Variants in SYN3 observed in about 807,000 individuals in gnomAD.
SYN3 encodes the protein synapsin III.
A neutral mutation model predicts 65.8 loss-of-function variants in SYN3; 35 were observed. That is an observed-to-expected ratio of 0.53 (90% CI 0.41 to 0.70). SYN3 has a LOEUF of 0.70. Among genes scored for constraint, SYN3 ranks in the 30% least tolerant of loss-of-function variants. SYN3 has a pLI of 0.00. For synonymous variants in SYN3, 270 were observed against 292.9 expected, an observed-to-expected ratio of 0.92 and a Z score of 0.80; for missense variants, 680 against 749.0, an observed-to-expected ratio of 0.91 and a Z score of 1.08.
At chr22:32,933,774 C>A (rs2050700473) in intron 3 of SYN3, among the ~76,000 whole-genome samples, 1 of 152,124 alleles carries the variant, frequency 6.6e-6, no homozygotes, top group African/African-American at 2.4e-5. Flanking sequence ...CCATGGCCCC[C>A]ACTGTTCAGC....
intron 6 of SYN3, among the ~76,000 whole-genome samples, chr22:32,616,452 C>T (rs968947462): frequency 2.0e-5 from 3 of 152,222 alleles, no homozygotes; most frequent in Non-Finnish European, 4.4e-5. Context: ...TGTTCAGTGT[C>T]TCCTTGTGGC....
chr22:32,603,182 G>GGTA (rs935339894), intron 6 of SYN3, among the ~76,000 whole-genome samples: 5 of 151,904 alleles, frequency 3.3e-5, no homozygotes, highest in African/African-American at 1.2e-4. Flanking sequence ...CTTTATGGAT[G>GGTA]GTAGCATCCT....
rs141807384 is a variant in SYN3 at position 32,884,747 on chromosome 22, C to T, written c.462-15622G>A. 8.5e-3 allele frequency among the ~76,000 whole-genome samples: 1,289 copies of T among 152,034 alleles called. 18 individuals are homozygous for T. The highest frequency in any genetic ancestry group is 0.027 in the African/African-American group (1,117 of 41,452). ...CAAAAATTAGCTGGGTGTGGTGGCA[C>T]GTGCCTGTAATTTCAGCTACTCAAG... On this transcript the variant is annotated intron_variant, in intron 4 of 13. Transcript: ENST00000358763.
chr22:32,878,690 C>G (rs2049044664), intron 4 of SYN3, among the ~76,000 whole-genome samples: 1 of 152,154 alleles, frequency 6.6e-6, no homozygotes, highest in African/African-American at 2.4e-5. Flanking sequence ...TCTCTTCAAC[C>G]TTTTTTGGAA....
chr22:32,698,710 A>T (rs1470489890), intron 6 of SYN3, among the ~76,000 whole-genome samples: 1 of 152,204 alleles, frequency 6.6e-6, no homozygotes, highest in Non-Finnish European at 1.5e-5. Context: ...GTAGTTAGTA[A>T]ATGCAATTGG....
chr22:32,988,827 G>A (rs964698831), intron 2 of SYN3, among the ~76,000 whole-genome samples: 5 of 152,118 alleles, frequency 3.3e-5, no homozygotes, highest in Admixed American at 6.5e-5. Context: ...AAGTAGGTAC[G>A]TCCTGGGGGC....
chr22:32,633,733 C>T (rs2059778177), intron 6 of SYN3, among the ~76,000 whole-genome samples: 1 of 152,156 alleles, frequency 6.6e-6, no homozygotes, highest in Non-Finnish European at 1.5e-5. Context: ...AGCAAGCCTC[C>T]TACCTCAGCC....
chr22:33,039,197 C>A (rs2053915838), intron 1 of SYN3, among the ~76,000 whole-genome samples: 1 of 152,138 alleles, frequency 6.6e-6, no homozygotes, highest in Non-Finnish European at 1.5e-5. Context: ...GGTGAGAAAG[C>A]ATGTCTAAGG....
intron 6 of SYN3, among the ~76,000 whole-genome samples, chr22:32,749,080 A>G (rs2045029932): frequency 6.6e-6 from 1 of 152,126 alleles, no homozygotes; most frequent in Non-Finnish European, 1.5e-5. Flanking sequence ...ACTCATAAAC[A>G]CAGTTTCTCA....
At chr22:32,534,000 G>A in intron 9 of SYN3, 105 bp from the exon 10 acceptor site, 1 of 692,422 alleles carries the variant, frequency 1.4e-6, no homozygotes, top group Non-Finnish European at 2.6e-6. Flanking sequence ...GAGGGACAGT[G>A]ACTCACACAT....
intron 6 of SYN3, among the ~76,000 whole-genome samples, chr22:32,615,765 C>T (rs368531552): frequency 6.6e-6 from 1 of 152,194 alleles, no homozygotes; most frequent in African/African-American, 2.4e-5. Flanking sequence ...TCCCACCTGT[C>T]TGCAGGGAGT....
intron 7 of SYN3, among the ~76,000 whole-genome samples, chr22:32,592,314 T>G (rs1432096989): frequency 6.6e-6 from 1 of 152,210 alleles, no homozygotes; most frequent in Non-Finnish European, 1.5e-5. Context: ...CACATCCAAA[T>G]GCCTCCTGCC....
rs370344672 is a variant in SYN3 at position 32,862,120 on chromosome 22, T to C, written c.711+2795A>G. ...AGGAAAAAAGTTTAAACTACATTCA[T>C]GTTCTTGTTCTGTGTCACTCGGCCC... On this transcript the variant is annotated intron_variant, in intron 6 of 13. Coordinates refer to ENST00000358763, the MANE Select transcript of SYN3 (RefSeq NM_003490.4). The C allele has an allele frequency of 5.2e-5, 8 of 152,688 alleles. No homozygotes were observed. In the East Asian group the frequency reaches 1.4e-3, roughly 26 times the overall value. 9.5% of individuals were successfully genotyped at this position (152,688 alleles called of 1,614,324 possible). A position where few individuals can be genotyped will look rare whatever the true frequency, so the allele number is the denominator to read the frequency against.
chr22:32,998,992 T>C (rs75681240), intron 2 of SYN3, among the ~76,000 whole-genome samples: 1,963 of 152,114 alleles, frequency 0.013, 45 homozygotes, highest in African/African-American at 0.045. Flanking sequence ...CCAGTACAAG[T>C]TATCCTGCTT....
chr22:32,665,988 C>G, intron 6 of SYN3, among the ~76,000 whole-genome samples: 1 of 152,200 alleles, frequency 6.6e-6, no homozygotes, highest in Non-Finnish European at 1.5e-5. Context: ...ATCTCTCCCC[C>G]AGCTCCAAAC....
intron 9 of SYN3, among the ~76,000 whole-genome samples, chr22:32,535,922 G>A (rs1196950312): frequency 6.6e-6 from 1 of 152,234 alleles, no homozygotes; most frequent in Admixed American, 6.5e-5. Flanking sequence ...ATGAGTCCCT[G>A]TATGGATTTT....
At chr22:32,525,786 A>C (rs1333972500) in intron 12 of SYN3, among the ~76,000 whole-genome samples, 1 of 152,182 alleles carries the variant, frequency 6.6e-6, no homozygotes, top group Non-Finnish European at 1.5e-5. Flanking sequence ...AACTTAGTTG[A>C]TAAAGCAGCA....
At chr22:32,905,695 C>T (rs2049883886) in intron 4 of SYN3, among the ~76,000 whole-genome samples, 1 of 152,220 alleles carries the variant, frequency 6.6e-6, no homozygotes, top group Non-Finnish European at 1.5e-5. Flanking sequence ...ACCAGAGCCA[C>T]AGGGTTTGAA....
At chr22:32,536,745 C>A (rs1457091246) in intron 9 of SYN3, among the ~76,000 whole-genome samples, 2 of 152,184 alleles carry the variant, frequency 1.3e-5, no homozygotes, top group Non-Finnish European at 2.9e-5. Context: ...CCACTGTGTG[C>A]CACCATGAAA....
Sources: allele counts gnomAD v4.1 joint callset (sites outside exome capture counted in the v4.1 genomes callset), GRCh38; gene constraint gnomAD v4.1.1; transcripts MANE v1.5; gene names NCBI Gene and HGNC (gene_info 2026-07-23, HGNC 2026-07-21).